Variants in CP observed in about 807,000 individuals in gnomAD.
The protein encoded by CP is caeruloplasmin.
A neutral mutation model predicts 122.4 loss-of-function variants in CP; 64 were observed. That is an observed-to-expected ratio of 0.52 (90% CI 0.43 to 0.64). CP has a LOEUF of 0.64. Among genes scored for constraint, CP ranks in the 30% least tolerant of loss-of-function variants. CP has a pLI of 0.00. For missense variants in CP, 1,167 were observed against 1,284.4 expected, an observed-to-expected ratio of 0.91 and a Z score of 1.40; for synonymous variants, 440 against 436.4, an observed-to-expected ratio of 1.01 and a Z score of -0.10.
chr3:149,178,393 G>A (rs746486851), intron 16 of CP, 22 bp downstream of exon 16: 9 of 1,477,756 alleles, frequency 6.1e-6, no homozygotes, highest in Non-Finnish European at 7.5e-6. Flanking sequence ...TAGAAAAATT[G>A]TTTTAGAATA....
chr3:149,188,893 C>T (rs1467583259), intron 9 of CP, among the ~76,000 whole-genome samples: 1 of 152,058 alleles, frequency 6.6e-6, no homozygotes, highest in Non-Finnish European at 1.5e-5. Context: ...GCCTGTCTTT[C>T]CCTTAAGATC....
At chr3:149,190,656 T>TAAAAAAAA (rs146345788) in intron 9 of CP, among the ~76,000 whole-genome samples, 1 of 64,114 alleles carries the variant, frequency 1.6e-5, no homozygotes, top group African/African-American at 4.6e-5. Context: ...AGACTCTGTC[T>TAAAAAAAA]AAAAAAAAAA....
chr3:149,200,581 C>G (rs958817981), intron 7 of CP, among the ~76,000 whole-genome samples: 1 of 151,880 alleles, frequency 6.6e-6, no homozygotes, highest in Non-Finnish European at 1.5e-5. Context: ...TGGCTAACTG[C>G]AACCTCTGCC....
chr3:149,211,400 A>G (rs1728089990), intron 2 of CP, among the ~76,000 whole-genome samples: 1 of 152,224 alleles, frequency 6.6e-6, no homozygotes, highest in Non-Finnish European at 1.5e-5. Flanking sequence ...GGTCACTCAA[A>G]CAGTGAAAGG....
intron 7 of CP, among the ~76,000 whole-genome samples, chr3:149,201,249 G>GAGT (rs1222839750): frequency 6.6e-6 from 1 of 151,992 alleles, no homozygotes; most frequent in Non-Finnish European, 1.5e-5. Flanking sequence ...TCAGCCTCCA[G>GAGT]AGTAACTAGG....
Position 149,178,647 on chromosome 3 carries a change from A to G in CP, c.2662-16T>C. 6.5e-7 allele frequency: 1 copy of G among 1,547,248 alleles called. No individual in the cohort carries two copies. The highest frequency in any genetic ancestry group is 8.9e-7 in the Non-Finnish European group (1 of 1,123,186). On this transcript the variant is annotated splice_polypyrimidine_tract_variant and intron_variant, in intron 15 of 18. Transcript: ENST00000264613. ...TGTAGAGGTCCTGGAAACAAGAAAA[A>G]TCTTCAGTAACCCTTGTGAATTAGG...
chr3:149,214,352 C>T (rs993990944), intron 1 of CP, among the ~76,000 whole-genome samples: 2 of 152,162 alleles, frequency 1.3e-5, no homozygotes, highest in Admixed American at 6.5e-5. Flanking sequence ...TCACCATTCT[C>T]TGGATTGATC....
At chr3:149,177,798 T>C in intron 17 of CP, 42 bp downstream of exon 17, 1 of 1,606,334 alleles carries the variant, frequency 6.2e-7, no homozygotes, top group South Asian at 1.1e-5. Flanking sequence ...TATTAAAACA[T>C]TTTCAAACAG....
intron 7 of CP, among the ~76,000 whole-genome samples, chr3:149,200,648 C>T (rs578189392): frequency 5.3e-5 from 8 of 151,848 alleles, no homozygotes; most frequent in African/African-American, 1.7e-4. Context: ...ATTACAGGCA[C>T]TCGCCACCAC....
At chr3:149,169,140 A>AT (rs112171131), downstream of CP, among the ~76,000 whole-genome samples, 1 of 151,620 alleles carries the variant, frequency 6.6e-6, no homozygotes, top group Non-Finnish European at 1.5e-5. Context: ...TGTTTTATTC[A>AT]TTTTTTCAAG....
intron 10 of CP, 64 bp downstream of exon 10, chr3:149,187,988 T>G (rs1030809923): frequency 5.8e-6 from 9 of 1,558,250 alleles, no homozygotes; most frequent in Non-Finnish European, 7.1e-6. Context: ...TTTTGTTTAG[T>G]TAAAAGCATT....
At chr3:149,217,027 A>G (rs1321335658) in intron 1 of CP, among the ~76,000 whole-genome samples, 1 of 151,108 alleles carries the variant, frequency 6.6e-6, no homozygotes, top group Non-Finnish European at 1.5e-5. Context: ...TGGCCTCCTG[A>G]GTAGCTGGGA....
At position 149,173,567 on chromosome 3, in the gene CP, C is replaced by T. The variant is rs1725195816; in HGVS notation, c.*147G>A. 8.9e-6 allele frequency: 5 copies of T among 560,626 alleles called. No homozygotes were observed. Among genetic ancestry groups the T allele is most frequent in the East Asian group, 3.2e-5 (1 of 31,154 alleles). The allele number at this position is 560,626 out of a possible 1,614,324, so 34.7% of individuals were successfully genotyped here. ...CATTTGCAAAAAATTAATAGTTTTCCCCCACAAATGTACAAAGTTGTATGC... is the reference window on the plus strand; with the variant it reads ...CATTTGCAAAAAATTAATAGTTTTCTCCCACAAATGTACAAAGTTGTATGC... On this transcript the variant is annotated 3_prime_UTR_variant, in exon 19 of 19. Coordinates refer to ENST00000264613, the MANE Select transcript of CP (RefSeq NM_000096.4).
At chr3:149,199,567 T>C (rs1461196331) in intron 8 of CP, 145 bp downstream of exon 8, 10 of 994,408 alleles carry the variant, frequency 1.0e-5, no homozygotes, top group Non-Finnish European at 1.4e-5. Context: ...AAGGGGTTTA[T>C]TTGTTTCCTG....
downstream of CP, among the ~76,000 whole-genome samples, chr3:149,169,735 T>C (rs1257076472): frequency 6.6e-6 from 1 of 152,220 alleles, no homozygotes; most frequent in Non-Finnish European, 1.5e-5. Context: ...GGTTAGTGGA[T>C]GGGTTGGTTG....
chr3:149,190,531 G>A (rs533548919), intron 9 of CP, among the ~76,000 whole-genome samples: 6 of 151,892 alleles, frequency 4.0e-5, no homozygotes, highest in African/African-American at 9.7e-5. Flanking sequence ...GGTGGCAGGC[G>A]CCTGTAGTCC....
intron 7 of CP, chr3:149,200,158 C>G (rs982201140): frequency 2.5e-6 from 1 of 395,936 alleles, no homozygotes; most frequent in Non-Finnish European, 4.8e-6. Flanking sequence ...AATGTTGAGA[C>G]TCCTCAGCCT....
chr3:149,208,276 C>G (rs34335440), intron 4 of CP, among the ~76,000 whole-genome samples: 2,239 of 152,046 alleles, frequency 0.015, 54 homozygotes, highest in African/African-American at 0.051. Flanking sequence ...AAAAATTTCC[C>G]AAGTGGAAAT....
chr3:149,191,243 ATTTTTTTTT>A (rs60907154), intron 9 of CP, among the ~76,000 whole-genome samples: 1 of 107,074 alleles, frequency 9.3e-6, no homozygotes, highest in East Asian at 2.6e-4. Flanking sequence ...TCATTACGCT[ATTTTTTTTT>A]TTTTTTTTTT....
Sources: gnomAD v4.1 joint callset for allele counts (sites outside exome capture counted in the v4.1 genomes callset) on GRCh38, gnomAD v4.1.1 for gene constraint, MANE v1.5 for transcripts, NCBI Gene and HGNC (gene_info 2026-07-23, HGNC 2026-07-21) for gene names.